LIPG: variants seen among roughly 807,000 people sequenced by gnomAD.
The protein encoded by LIPG is endothelial lipase.
LIPG carries 34 observed loss-of-function variants against 51.8 expected under a neutral mutation model. The observed-to-expected ratio is 0.66, with a 90% CI of 0.50 to 0.87. The LOEUF is 0.87. Among genes scored for constraint, LIPG ranks in the 40% least tolerant of loss-of-function variants. The pLI, the probability that LIPG is intolerant of heterozygous loss-of-function variation, is 0.00. For missense variants in LIPG, 580 were observed against 652.7 expected, an observed-to-expected ratio of 0.89 and a Z score of 1.21; for synonymous variants, 246 against 246.1, an observed-to-expected ratio of 1.00 and a Z score of 0.00.
chr18:49,588,319 A>G (rs1273119848), intron 9 of LIPG, among the ~76,000 whole-genome samples: 3 of 141,454 alleles, frequency 2.1e-5, no homozygotes, highest in Non-Finnish European at 3.0e-5. Context: ...GTCTCACTCT[A>G]TCGCTCAGGC....
chr18:49,585,155 G>A (rs993223357), intron 8 of LIPG, among the ~76,000 whole-genome samples: 4 of 152,184 alleles, frequency 2.6e-5, no homozygotes, highest in Non-Finnish European at 4.4e-5. Context: ...TCCGCCTCCC[G>A]GATTCAAGTG....
chr18:49,589,356 AT>A (rs1238442180), intron 9 of LIPG: 1 of 152,226 alleles, frequency 6.6e-6, no homozygotes, highest in Non-Finnish European at 1.5e-5. Flanking sequence ...GTAAATCTTT[AT>A]GTATTTAAAT....
rs371455573 is a variant in LIPG, at chr18:49,565,506, C to G, written c.279+8C>G. On this transcript the variant is annotated splice_region_variant and intron_variant, in intron 2 of 9. Transcript: ENST00000261292. ...ATCATTCACGGATGGACGGTGAGCC[C>G]GGGGAGGGAGCTCTGCGGCTTTATA... 1.9e-6 allele frequency: 3 copies of G among 1,613,962 alleles called. No individual in the cohort carries two copies. The highest frequency in any genetic ancestry group is 2.2e-5 in the East Asian group (1 of 44,900).
chr18:49,586,628 C>T lies in LIPG; in HGVS notation c.1377-118C>T, dbSNP rs1268543822. Reference sequence around the variant, plus strand: ...TGGGGAATTCTGAAGGCTTTTGAGTCGGGGCATGGCATGAAAATTTCACCC... The same window carrying T: ...TGGGGAATTCTGAAGGCTTTTGAGTTGGGGCATGGCATGAAAATTTCACCC... On this transcript the variant is annotated intron_variant, in intron 8 of 9. Transcript: ENST00000261292. 5.4e-6 allele frequency: 4 copies of T among 743,662 alleles called. 1 individual carries two copies. The highest frequency in any genetic ancestry group is 2.9e-5 in the South Asian group (2 of 68,632). 46.1% of individuals were successfully genotyped at this position (743,662 alleles called of 1,614,324 possible). A position where few individuals can be genotyped will look rare whatever the true frequency, so the allele number is the denominator to read the frequency against.
intron 3 of LIPG, among the ~76,000 whole-genome samples, chr18:49,568,632 CG>C (rs983228146): frequency 6.6e-6 from 1 of 151,408 alleles, no homozygotes; most frequent in African/African-American, 2.4e-5. Flanking sequence ...CTGCCTGCCT[CG>C]GCCTCCCAAA....
Position 49,562,194 on chromosome 18 carries a change from C to A in LIPG, c.-115C>A, listed in dbSNP as rs2084557014. ...ATTTTCCACCTTCTCTGCCTCCAGT[C>A]CCCCAGCCCCTGGCCGAGAGAAGGG... is the stretch of plus-strand genomic sequence containing the variant. On this transcript the variant is annotated 5_prime_UTR_variant, in exon 1 of 10. Transcript: ENST00000261292. 1 of 1,579,758 alleles carries A rather than the reference C, an allele frequency of 6.3e-7. No homozygotes were observed. Among genetic ancestry groups the A allele is most frequent in the Non-Finnish European group, 8.6e-7 (1 of 1,166,076 alleles).
intron 7 of LIPG, 65 bp from the exon 8 acceptor site, chr18:49,583,491 C>T: frequency 7.4e-7 from 1 of 1,356,010 alleles, no homozygotes; most frequent in Non-Finnish European, 1.1e-6. Context: ...CACTGTGTCA[C>T]CCCACACAGT....
chr18:49,593,839 C>A lies in LIPG; in HGVS notation c.*3317C>A, dbSNP rs2084966057. On this transcript the variant is annotated 3_prime_UTR_variant, in exon 10 of 10. Coordinates refer to ENST00000261292, the MANE Select transcript of LIPG (RefSeq NM_006033.4). ...TCTTTATTTAGGGTGCCCATGGGCCCTGCTGAAGATCCAATTACTATTTAT... is the reference window on the plus strand; with the variant it reads ...TCTTTATTTAGGGTGCCCATGGGCCATGCTGAAGATCCAATTACTATTTAT... 6.6e-6 allele frequency: 1 copy of A among 152,180 alleles called. No homozygotes were observed. The allele number at this position is 152,180 out of a possible 1,614,324, so 9.4% of individuals were successfully genotyped here.
At chr18:49,584,118 G>A (rs749078713) in intron 8 of LIPG, among the ~76,000 whole-genome samples, 1 of 152,134 alleles carries the variant, frequency 6.6e-6, no homozygotes, top group Non-Finnish European at 1.5e-5. Context: ...TGTGTTTACT[G>A]TGGGGTCCAT....
upstream of LIPG, chr18:49,561,570 G>A (rs946094224): frequency 5.2e-6 from 4 of 774,052 alleles, no homozygotes; most frequent in Non-Finnish European, 3.5e-6. Context: ...AGGCGGGAAG[G>A]GAGGGAGAAG....
At chr18:49,580,313 G>T (rs2084805167) in intron 5 of LIPG, among the ~76,000 whole-genome samples, 1 of 152,178 alleles carries the variant, frequency 6.6e-6, no homozygotes, top group Non-Finnish European at 1.5e-5. Flanking sequence ...TAATTGAAGG[G>T]ATTAGACTAG....
intron 9 of LIPG, among the ~76,000 whole-genome samples, chr18:49,587,137 G>A (rs2084889728): frequency 6.6e-6 from 1 of 151,710 alleles, no homozygotes; most frequent in South Asian, 2.1e-4. Context: ...TGCCGGGCAT[G>A]GTGGTGTGTG....
Position 49,593,582 on chromosome 18 carries a change from G to C in LIPG, c.*3060G>C, listed in dbSNP as rs1357634911. ...TCTCTATTGGTTAAAGTCCCAGCTG[G>C]TAGTAAGGTTCTATTCTACAGGCCA... On this transcript the variant is annotated 3_prime_UTR_variant, in exon 10 of 10. Coordinates refer to ENST00000261292, the MANE Select transcript of LIPG (RefSeq NM_006033.4). 1 of 152,178 alleles carries C rather than the reference G, an allele frequency of 6.6e-6. No homozygotes were observed. Among genetic ancestry groups the C allele is most frequent in the African/African-American group, 2.4e-5 (1 of 41,438 alleles). The allele number at this position is 152,178 out of a possible 1,614,324, so 9.4% of individuals were successfully genotyped here.
At chr18:49,572,507 C>G (rs2084674495) in intron 4 of LIPG, among the ~76,000 whole-genome samples, 1 of 151,964 alleles carries the variant, frequency 6.6e-6, no homozygotes, top group Admixed American at 6.6e-5. Context: ...GGACTCAAAC[C>G]CATGCTGTCA....
intron 4 of LIPG, among the ~76,000 whole-genome samples, chr18:49,573,939 G>A (rs974372473): frequency 3.9e-5 from 6 of 152,172 alleles, no homozygotes; most frequent in African/African-American, 1.4e-4. Flanking sequence ...GGATTGACTT[G>A]TGCACTGTAG....
intron 2 of LIPG, among the ~76,000 whole-genome samples, chr18:49,566,872 T>G (rs1200869047): frequency 6.6e-6 from 1 of 152,168 alleles, no homozygotes; most frequent in African/African-American, 2.4e-5. Flanking sequence ...ATAGTGGCCC[T>G]AACAGACAGT....
At chr18:49,568,764 G>A (rs2084633264) in intron 3 of LIPG, among the ~76,000 whole-genome samples, 2 of 152,134 alleles carry the variant, frequency 1.3e-5, no homozygotes, top group African/African-American at 2.4e-5. Context: ...CTGTCAAAGC[G>A]GCACCATTAT....
Position 49,582,414 on chromosome 18 carries a change from A to T in LIPG, c.1089A>T (p.Glu363Asp), listed in dbSNP as rs774714640. ...TCTTCAGTTACAAGAACATGGGAGA[A>T]ATTGAGCCCACCTTTTACGTCACCC... The part of the protein sequence containing the change: ...IHVFSYKNMG[E>D]IEPTFYVTLY... Residue 363 changes from glutamate to aspartate, a missense_variant, in exon 7 of 10, where the codon GAA becomes GAT. Coordinates refer to ENST00000261292, the MANE Select transcript of LIPG (RefSeq NM_006033.4). 4 of 1,614,130 alleles carry T rather than the reference A, an allele frequency of 2.5e-6. No individual in the cohort carries two copies. The South Asian group carries it at 4.4e-5, about 18-fold the overall frequency.
chr18:49,566,262 T>C (rs1051508260), intron 2 of LIPG, among the ~76,000 whole-genome samples: 1 of 152,192 alleles, frequency 6.6e-6, no homozygotes, highest in African/African-American at 2.4e-5. Context: ...GGTAGGTGCC[T>C]GCCTACCTAG....
Sources: allele counts gnomAD v4.1 joint callset (sites outside exome capture counted in the v4.1 genomes callset), GRCh38; gene constraint gnomAD v4.1.1; transcripts MANE v1.5; gene names NCBI Gene and HGNC (gene_info 2026-07-23, HGNC 2026-07-21).